The following PDE12 variants were observed in gnomAD, a reference collection of about 807,000 sequenced individuals.
PDE12 encodes 2',5'-phosphodiesterase 12.
PDE12 carries 26 observed loss-of-function variants against 45.4 expected under a neutral mutation model. The ratio of observed to expected loss-of-function variants is 0.57; its 90% CI spans 0.42 to 0.79. The LOEUF is 0.79. Ranked by LOEUF, PDE12 falls within the 30% of genes least tolerant of loss-of-function variation. The pLI, the probability that PDE12 is intolerant of heterozygous loss-of-function variation, is 0.00. For synonymous variants in PDE12, 283 were observed against 323.9 expected, an observed-to-expected ratio of 0.87 and a Z score of 1.36; for missense variants, 668 against 790.0, an observed-to-expected ratio of 0.85 and a Z score of 1.85.
intron 1 of PDE12, 147 bp from the exon 2 acceptor site, chr3:57,559,163 G>C: frequency 1.6e-6 from 1 of 607,870 alleles, no homozygotes; most frequent in Non-Finnish European, 2.9e-6. Flanking sequence ...GGAGCTTGCA[G>C]TGAGCCGAGA....
chr3:57,656,004 T>G, the PDE12 span, among the ~76,000 whole-genome samples: 48 of 152,344 alleles, frequency 3.2e-4, no homozygotes, highest in African/African-American at 1.1e-3. Flanking sequence ...CCTGTAATAT[T>G]TATTCATTTT....
the PDE12 span, among the ~76,000 whole-genome samples, chr3:57,580,186 C>T: frequency 6.6e-6 from 1 of 152,226 alleles, no homozygotes; most frequent in Admixed American, 6.5e-5. Context: ...TCTTATACTA[C>T]TTGTTATATA....
rs1226065252 is a variant in PDE12, at chr3:57,557,189, A to T, written c.810A>T (p.Val270=). ...GGGAGTTGGAAAGTGTGTGTGTGGT[A>T]GAGGCTGGGCCTGGCACCTGCACTT... ...HSRELESVCV[V]EAGPGTCTFD... The change falls in exon 1 of 3, where the codon GTA becomes GTT. Residue 270 remains valine (V), a synonymous_variant. Transcript: ENST00000311180. 6.2e-7 allele frequency: 1 copy of T among 1,614,018 alleles called. No homozygotes were observed. Among genetic ancestry groups the T allele is most frequent in the Non-Finnish European group, 8.5e-7 (1 of 1,179,998 alleles).
the PDE12 span, among the ~76,000 whole-genome samples, chr3:57,613,233 G>A: frequency 3.8e-4 from 58 of 150,822 alleles, no homozygotes; most frequent in African/African-American, 1.3e-3. Flanking sequence ...TGCCTGCCTC[G>A]GCCTCCCAAA....
chr3:57,610,349 G>A, the PDE12 span, among the ~76,000 whole-genome samples: 66 of 152,142 alleles, frequency 4.3e-4, 1 homozygote, highest in East Asian at 7.9e-3. Flanking sequence ...CTCTCTCACC[G>A]CTCCTATTCA....
At chr3:57,617,546 T>C in the PDE12 span, among the ~76,000 whole-genome samples, 748 of 152,160 alleles carry the variant, frequency 4.9e-3, 5 homozygotes, top group African/African-American at 0.017. Context: ...AGCAAAGACA[T>C]GGAATCCACC....
chr3:57,645,728 C>A, the PDE12 span: 1 of 1,613,264 alleles, frequency 6.2e-7, no homozygotes, highest in South Asian at 1.1e-5. Flanking sequence ...GGTCGGAAAT[C>A]ACTGAAGTAC....
the PDE12 span, among the ~76,000 whole-genome samples, chr3:57,613,974 C>T: frequency 6.7e-6 from 1 of 149,950 alleles, no homozygotes; most frequent in South Asian, 2.1e-4. Context: ...AAAAGATATA[C>T]CCTGCTAACT....
the PDE12 span, chr3:57,584,164 T>G: frequency 1.4e-5 from 10 of 698,772 alleles, no homozygotes; most frequent in South Asian, 1.6e-4. Flanking sequence ...GGCCTCATTA[T>G]GTTATGCAGG....
rs879089767 is a variant in PDE12, at chr3:57,566,742, C to A, written c.*6738C>A. The A allele has an allele frequency of 6.6e-6, 1 of 152,078 alleles. No homozygotes were observed. Among genetic ancestry groups the A allele is most frequent in the Non-Finnish European group, 1.5e-5 (1 of 68,004 alleles). The allele number at this position is 152,078 out of a possible 1,614,324, so 9.4% of individuals were successfully genotyped here. On this transcript the variant is annotated 3_prime_UTR_variant, in exon 3 of 3. Transcript: ENST00000311180. ...ATCTTTTCATGTGCTCGTTGGCCAT[C>A]TATATATCTCTGGAGAAATGTCTTT...
chr3:57,638,803 AAAAAATG>A, the PDE12 span, among the ~76,000 whole-genome samples: 1 of 152,158 alleles, frequency 6.6e-6, no homozygotes, highest in African/African-American at 2.4e-5. Flanking sequence ...TTACTATCAA[AAAAAATG>A]AAAAATAACA....
the PDE12 span, among the ~76,000 whole-genome samples, chr3:57,638,200 T>C: frequency 6.6e-6 from 1 of 150,436 alleles, no homozygotes; most frequent in South Asian, 2.1e-4. Context: ...AAAAAGACAA[T>C]ACAAAATAGA....
chr3:57,600,041 T>C, the PDE12 span: 1 of 151,812 alleles, frequency 6.6e-6, no homozygotes, highest in African/African-American at 2.4e-5. Flanking sequence ...CATTTATTTA[T>C]TTATTTATTT....
At chr3:57,572,399 T>G in the PDE12 span, 2 of 845,776 alleles carry the variant, frequency 2.4e-6, no homozygotes, top group African/African-American at 3.4e-5. Flanking sequence ...TCACACCTCT[T>G]GCATCTCACA....
the PDE12 span, among the ~76,000 whole-genome samples, chr3:57,617,038 C>T: frequency 6.8e-6 from 1 of 147,370 alleles, no homozygotes; most frequent in East Asian, 2.1e-4. Context: ...CAAAACAAAA[C>T]AAGAAAATGA....
chr3:57,653,941 CTTTTT>C, the PDE12 span, among the ~76,000 whole-genome samples: 6 of 75,820 alleles, frequency 7.9e-5, no homozygotes, highest in East Asian at 3.4e-4. Flanking sequence ...TAGAAATTCA[CTTTTT>C]TTTTTTTTTT....
At chr3:57,649,229 C>T in the PDE12 span, among the ~76,000 whole-genome samples, 1 of 152,070 alleles carries the variant, frequency 6.6e-6, no homozygotes, top group Admixed American at 6.6e-5. Context: ...AGAAGATATA[C>T]AAATTGCCAA....
chr3:57,639,320 T>G, the PDE12 span, among the ~76,000 whole-genome samples: 1 of 152,210 alleles, frequency 6.6e-6, no homozygotes, highest in Non-Finnish European at 1.5e-5. Context: ...GGTAAGAATG[T>G]AAACTGATGG....
the PDE12 span, among the ~76,000 whole-genome samples, chr3:57,579,441 T>C: frequency 4.0e-5 from 6 of 151,694 alleles, 1 homozygote; most frequent in South Asian, 4.2e-4. Flanking sequence ...GCGCCCACCA[T>C]TACACCTGGC....
Sources: gnomAD v4.1 joint callset for allele counts (sites outside exome capture counted in the v4.1 genomes callset) on GRCh38, gnomAD v4.1.1 for gene constraint, MANE v1.5 for transcripts, NCBI Gene and HGNC (gene_info 2026-07-23, HGNC 2026-07-21) for gene names.